Variants in EMC8 observed in about 807,000 individuals in gnomAD.
EMC8 encodes COX4 neighbor.
EMC8 carries 11 observed loss-of-function variants against 24.3 expected under a neutral mutation model. That is an observed-to-expected ratio of 0.45 (90% CI 0.28 to 0.75). The LOEUF (loss-of-function observed/expected upper bound fraction) is 0.75. EMC8 is among the 30% of genes least tolerant of loss of function. EMC8 has a pLI of 0.12. For missense variants in EMC8, 277 were observed against 282.7 expected, an observed-to-expected ratio of 0.98 and a Z score of 0.14; for synonymous variants, 145 against 117.7, an observed-to-expected ratio of 1.23 and a Z score of -1.50.
rs1265202426 is a variant in EMC8, at chr16:85,789,793, C to T, written c.232-743G>A. Among the ~76,000 whole-genome samples, 10 of 148,586 alleles carry T rather than the reference C, an allele frequency of 6.7e-5. 1 individual carries two copies. The highest frequency in any genetic ancestry group is 5.9e-4 in the East Asian group (3 of 5,102). On this transcript the variant is annotated intron_variant, in intron 1 of 4. Coordinates refer to ENST00000253457, the MANE Select transcript of EMC8 (RefSeq NM_006067.5). Reference sequence around the variant, plus strand: ...GGTGACAAGAGTGAAACTCCGTCTCCGTCTCAAAAAAAAAAAAAAAAGTCT... The same window carrying T: ...GGTGACAAGAGTGAAACTCCGTCTCTGTCTCAAAAAAAAAAAAAAAAGTCT...
chr16:85,798,114 G>GTTTTTTTTTTTTTT (rs1163747067), intron 1 of EMC8, among the ~76,000 whole-genome samples: 1 of 72,152 alleles, frequency 1.4e-5, no homozygotes, highest in Non-Finnish European at 2.4e-5. Flanking sequence ...ACAGAAATTC[G>GTTTTTTTTTTTTTT]TTTTTTTTTT....
At position 85,781,503 on chromosome 16, in the gene EMC8, C is replaced by T. The variant is rs1389784237; in HGVS notation, c.309-223G>A. Reference sequence around the variant, plus strand: ...TGGAGTGTAGTGACGCAATCATAGCCCACTGTAACCTCAAATTCCTAGGCT... The same window carrying T: ...TGGAGTGTAGTGACGCAATCATAGCTCACTGTAACCTCAAATTCCTAGGCT... On this transcript the variant is annotated intron_variant, in intron 2 of 4. Coordinates refer to ENST00000253457, the MANE Select transcript of EMC8 (RefSeq NM_006067.5). 26 of 480,152 alleles carry T rather than the reference C, an allele frequency of 5.4e-5. No individual in the cohort carries two copies. In the Admixed American group the frequency reaches 9.2e-4, roughly 17 times the overall value. The allele number at this position is 480,152 out of a possible 1,614,324, so 29.7% of individuals were successfully genotyped here.
chr16:85,794,996 C>A (rs552342016), intron 1 of EMC8, among the ~76,000 whole-genome samples: 1 of 152,114 alleles, frequency 6.6e-6, no homozygotes, highest in South Asian at 2.1e-4. Flanking sequence ...CCTGCTCCCC[C>A]GTGGAAAATT....
intron 4 of EMC8, 109 bp from the exon 5 acceptor site, chr16:85,779,976 T>C (rs543533333): frequency 7.1e-6 from 6 of 843,016 alleles, no homozygotes; most frequent in Non-Finnish European, 1.2e-5. Context: ...ACAGAGATGG[T>C]GCAGAGTACT....
intron 1 of EMC8, among the ~76,000 whole-genome samples, chr16:85,789,281 G>A (rs541367136): frequency 6.6e-6 from 1 of 152,318 alleles, no homozygotes; most frequent in South Asian, 2.1e-4. Context: ...AAGACCCTTT[G>A]TCTACAGGTA....
intron 1 of EMC8, among the ~76,000 whole-genome samples, chr16:85,795,423 C>T (rs539319347): frequency 6.6e-6 from 1 of 152,226 alleles, no homozygotes; most frequent in Non-Finnish European, 1.5e-5. Flanking sequence ...TGGCTCCTCA[C>T]GGCCCTGGTT....
At chr16:85,779,972 A>G (rs1421316372) in intron 4 of EMC8, 105 bp from the exon 5 acceptor site, 5 of 903,166 alleles carry the variant, frequency 5.5e-6, no homozygotes, top group Non-Finnish European at 8.9e-6. Context: ...ATGAACAGAG[A>G]TGGTGCAGAG....
chr16:85,790,825 C>T (rs1017768219), intron 1 of EMC8, among the ~76,000 whole-genome samples: 1 of 152,030 alleles, frequency 6.6e-6, no homozygotes, highest in Non-Finnish European at 1.5e-5. Context: ...TACTTAGTGG[C>T]TTAAAACAAC....
chr16:85,786,909 C>T (rs1240074051), intron 2 of EMC8, among the ~76,000 whole-genome samples: 3 of 152,178 alleles, frequency 2.0e-5, no homozygotes, highest in Admixed American at 2.0e-4. Context: ...GGGGCGACCA[C>T]ATCAGGCATG....
intron 2 of EMC8, among the ~76,000 whole-genome samples, chr16:85,782,812 C>A (rs1052575873): frequency 3.9e-5 from 6 of 152,206 alleles, no homozygotes; most frequent in Non-Finnish European, 7.3e-5. Flanking sequence ...CCATTTCCAG[C>A]CTCTCCGACC....
rs750887449 is a variant in EMC8 at position 85,799,137 on chromosome 16, G to C, written c.159C>G (p.Leu53=). The part of the protein sequence containing the change: ...PLGGPGAHHT[L]FVDCIPLFHG... Reference sequence around the variant, plus strand: ...GGAAGAGGGGGATGCAGTCCACGAAGAGGGTGTGGTGGGCGCCGGGGCCGC... The same window carrying C: ...GGAAGAGGGGGATGCAGTCCACGAACAGGGTGTGGTGGGCGCCGGGGCCGC... The change falls in exon 1 of 5, where the codon CTC becomes CTG. Residue 53 remains leucine (L), a synonymous_variant. Transcript: ENST00000253457. The surrounding 1 kb of genome is among the most constrained non-coding windows in gnomAD (Gnocchi z 4.2). 3.1e-6 allele frequency: 5 copies of C among 1,602,144 alleles called. No individual in the cohort carries two copies. The South Asian group carries it at 4.5e-5, about 14-fold the overall frequency.
chr16:85,793,353 G>C (rs16939751), intron 1 of EMC8, among the ~76,000 whole-genome samples: 4,451 of 152,286 alleles, frequency 0.029, 217 homozygotes, highest in African/African-American at 0.1. Context: ...TTCAGAAGTA[G>C]AGCAACTGTT....
In EMC8 at chr16:85,799,239, G is replaced by T. The variant is rs1471696589; in HGVS notation, c.57C>A (p.Ala19=). The T allele has an allele frequency of 1.2e-6, 2 of 1,612,984 alleles. No homozygotes were observed. Among genetic ancestry groups the T allele is most frequent in the African/African-American group, 2.7e-5 (2 of 74,920 alleles). ...CGTTGACGGCGCAGTGCGGGTACTT[G>T]GCGCCGTGCAGCACCATCTTGCAGT... ...QAYCKMVLHG[A]KYPHCAVNGL... is the part of the protein sequence containing the mutation. The change falls in exon 1 of 5, where the codon GCC becomes GCA. Residue 19 remains alanine, a synonymous_variant. Coordinates refer to ENST00000253457, the MANE Select transcript of EMC8 (RefSeq NM_006067.5). This position sits in a 1 kb window ranked among gnomAD's most constrained non-coding sequence, Gnocchi z 4.2.
chr16:85,792,594 G>A (rs1025979054), intron 1 of EMC8: 2 of 152,422 alleles, frequency 1.3e-5, no homozygotes, highest in Non-Finnish European at 1.5e-5. Context: ...CTAGGCATCA[G>A]GTGAGAGTGC....
rs376178492 is a variant in EMC8, at chr16:85,796,332, C to T, written c.231+2733G>A. Among the ~76,000 whole-genome samples the T allele has an allele frequency of 5.3e-5, 8 of 152,162 alleles. No individual in the cohort carries two copies. In the East Asian group the frequency reaches 1.2e-3, roughly 22 times the overall value. On this transcript the variant is annotated intron_variant, in intron 1 of 4. Coordinates refer to ENST00000253457, the MANE Select transcript of EMC8 (RefSeq NM_006067.5). The stretch of plus-strand genomic sequence containing the variant: ...CTTCCTTTTCCCCTAGGTCCATGCA[C>T]GATTAGTCACCAAGACCTGTGGATT...
intron 2 of EMC8, among the ~76,000 whole-genome samples, chr16:85,788,353 C>T (rs1008676929): frequency 1.2e-4 from 18 of 152,260 alleles, no homozygotes; most frequent in African/African-American, 3.4e-4. Flanking sequence ...GCGTTATCTA[C>T]GGCCCAGGCC....
chr16:85,796,979 T>C (rs1315836084), intron 1 of EMC8, among the ~76,000 whole-genome samples: 1 of 152,178 alleles, frequency 6.6e-6, no homozygotes, highest in Non-Finnish European at 1.5e-5. Context: ...AGCACGGGCC[T>C]GGCACAAAGC....
Position 85,792,207 on chromosome 16 carries a change from T to C in EMC8, c.232-3157A>G, listed in dbSNP as rs140721271. 6.2e-3 allele frequency among the ~76,000 whole-genome samples: 937 copies of C among 152,278 alleles called. 13 individuals are homozygous for C. Among genetic ancestry groups the C allele is most frequent in the African/African-American group, 0.021 (892 of 41,560 alleles). ...AGATGATTCCTATGACAAACACATGTATATCTCAACTTACATTTTGCCTGC... is the reference window on the plus strand; with the variant it reads ...AGATGATTCCTATGACAAACACATGCATATCTCAACTTACATTTTGCCTGC... On this transcript the variant is annotated intron_variant, in intron 1 of 4. Coordinates refer to ENST00000253457, the MANE Select transcript of EMC8 (RefSeq NM_006067.5).
At chr16:85,781,164 G>A (rs1291587950) in intron 3 of EMC8, 47 bp downstream of exon 3, 1 of 1,391,908 alleles carries the variant, frequency 7.2e-7, no homozygotes, top group African/African-American at 1.4e-5. Flanking sequence ...CCAGGTTGGT[G>A]AGAGGAGGCG....
Sources: allele counts gnomAD v4.1 joint callset (sites outside exome capture counted in the v4.1 genomes callset), GRCh38; gene constraint gnomAD v4.1.1; non-coding constraint Gnocchi (gnomAD v3.1); transcripts MANE v1.5; gene names NCBI Gene and HGNC (gene_info 2026-07-23, HGNC 2026-07-21).